SNRPN: variants seen among roughly 807,000 people sequenced by gnomAD.
The protein encoded by SNRPN is small nuclear ribonucleoprotein-associated protein N.
Under a neutral mutation model 25.2 loss-of-function variants are expected in SNRPN, and 7 were observed. The ratio of observed to expected loss-of-function variants is 0.28; its 90% CI spans 0.16 to 0.52. SNRPN has a LOEUF of 0.52. Among genes scored for constraint, SNRPN ranks in the 20% least tolerant of loss-of-function variants. The pLI is 0.96. For missense variants in SNRPN, 196 were observed against 322.5 expected, an observed-to-expected ratio of 0.61 and a Z score of 3.00; for synonymous variants, 124 against 110.6, an observed-to-expected ratio of 1.12 and a Z score of -0.76.
intron 1 of SNRPN, among the ~76,000 whole-genome samples, chr15:24,955,706 C>T (rs1270046880): frequency 7.0e-6 from 1 of 143,302 alleles, no homozygotes; most frequent in Non-Finnish European, 1.5e-5. Flanking sequence ...GTGGTCGCGG[C>T]GCGGGGAGAG....
At chr15:24,839,670 A>G in intron 2 of SNRPN, among the ~76,000 whole-genome samples, 1 of 152,108 alleles carries the variant, frequency 6.6e-6, no homozygotes, top group Non-Finnish European at 1.5e-5. Flanking sequence ...GATGATGACA[A>G]CCACAGCCTA....
Position 24,977,920 on chromosome 15 carries a change from A to C in SNRPN, c.559+4A>C. 2 of 1,557,964 alleles carry C rather than the reference A, an allele frequency of 1.3e-6. No homozygotes were observed. Among genetic ancestry groups the C allele is most frequent in the Non-Finnish European group, 8.7e-7 (1 of 1,152,340 alleles). On this transcript the variant is annotated splice_donor_region_variant and intron_variant, in intron 8 of 9. Transcript: ENST00000390687. Reference sequence around the variant, plus strand: ...GGCAGAGCAACCCCACCTCCAGGTAAGGGATTGGTGAACACGAAGACGAAC... The same window carrying C: ...GGCAGAGCAACCCCACCTCCAGGTACGGGATTGGTGAACACGAAGACGAAC...
intron 3 of SNRPN, among the ~76,000 whole-genome samples, chr15:24,928,151 C>T (rs994971079): frequency 4.6e-5 from 7 of 152,132 alleles, no homozygotes; most frequent in African/African-American, 1.7e-4. Flanking sequence ...TTAGTATAGT[C>T]ATTATGGAAA....
chr15:24,843,402 CTT>C (rs1444485862), intron 2 of SNRPN, among the ~76,000 whole-genome samples: 1 of 152,134 alleles, frequency 6.6e-6, no homozygotes, highest in African/African-American at 2.4e-5. Flanking sequence ...AATCCCAACA[CTT>C]TGGGAGGCCA....
Position 24,965,778 on chromosome 15 carries a change from C to G in SNRPN, c.-294-2154C>G, listed in dbSNP as rs138100454. Among the ~76,000 whole-genome samples the G allele has an allele frequency of 9.1e-4, 139 of 152,202 alleles. 3 individuals are homozygous for G. In the East Asian group the frequency reaches 0.021, roughly 23 times the overall value. ...AATTCTGTGTAGGCTGCCTCATTTT[C>G]TCAGTCTTTAATCTTCTATTGGGTT... On this transcript the variant is annotated intron_variant, in intron 2 of 9. Coordinates refer to ENST00000390687, the MANE Select transcript of SNRPN (RefSeq NM_003097.6).
chr15:24,876,355 T>C (rs967306190), intron 1 of SNRPN, among the ~76,000 whole-genome samples: 90 of 152,192 alleles, frequency 5.9e-4, no homozygotes, highest in Middle Eastern at 6.8e-3. Flanking sequence ...CTGTGGCTCA[T>C]GCCTTTAATC....
intron 2 of SNRPN, among the ~76,000 whole-genome samples, chr15:24,843,074 T>C (rs2143708040): frequency 6.6e-6 from 1 of 152,096 alleles, no homozygotes; most frequent in African/African-American, 2.4e-5. Context: ...TTTACTCAAT[T>C]GTTTATGTTT....
upstream of SNRPN, among the ~76,000 whole-genome samples, chr15:24,854,635 C>T (rs1289148058): frequency 6.6e-6 from 1 of 152,204 alleles, no homozygotes; most frequent in African/African-American, 2.4e-5. Flanking sequence ...GCATATACAT[C>T]ACCTCTCCAC....
At chr15:24,965,378 A>C (rs1309293636) in intron 2 of SNRPN, among the ~76,000 whole-genome samples, 1 of 152,068 alleles carries the variant, frequency 6.6e-6, no homozygotes, top group African/African-American at 2.4e-5. Context: ...TCTCTAGAAA[A>C]ATAAAAAAAT....
At chr15:24,846,358 A>G (rs1217353810) in intron 2 of SNRPN, among the ~76,000 whole-genome samples, 1 of 152,104 alleles carries the variant, frequency 6.6e-6, no homozygotes, top group Non-Finnish European at 1.5e-5. Flanking sequence ...AAACTAAGCA[A>G]ATCTAGTGGC....
chr15:24,941,110 G>C (rs2061525482), intron 3 of SNRPN, among the ~76,000 whole-genome samples: 2 of 152,104 alleles, frequency 1.3e-5, no homozygotes, highest in Non-Finnish European at 2.9e-5. Context: ...CTGAGTAGCT[G>C]AGACCACAGG....
chr15:24,936,753 G>A (rs1175561270), intron 3 of SNRPN, among the ~76,000 whole-genome samples: 1 of 151,938 alleles, frequency 6.6e-6, no homozygotes, highest in Non-Finnish European at 1.5e-5. Context: ...AGCACCAAAG[G>A]GGAAATCCAC....
chr15:24,859,210 C>T (rs1426132719), intron 1 of SNRPN, among the ~76,000 whole-genome samples: 2 of 152,196 alleles, frequency 1.3e-5, no homozygotes, highest in African/African-American at 2.4e-5. Flanking sequence ...CAAGGAGAAG[C>T]ACCCCTCTGC....
At chr15:24,923,164 C>T (rs1041695047) in intron 3 of SNRPN, among the ~76,000 whole-genome samples, 5 of 152,100 alleles carry the variant, frequency 3.3e-5, no homozygotes, top group African/African-American at 1.2e-4. Flanking sequence ...CCTCAGCCTC[C>T]CAAAGTGCTG....
chr15:24,873,326 GTTTC>G lies in SNRPN; in HGVS notation c.-578-13186_-578-13183del, dbSNP rs1457757470. On this transcript the variant is annotated intron_variant, in intron 1 of 11. Coordinates refer to the SNRPN transcript ENST00000400097. The stretch of plus-strand genomic sequence containing the variant: ...AAATCAAGACTCTTCTTTTGTTTTT[GTTTC>G]TTTTTTTTTTTTTTGAAACGGAGTA... Among the ~76,000 whole-genome samples, 2 of 109,122 alleles carry G rather than the reference GTTTC, an allele frequency of 1.8e-5. 1 individual carries two copies. The highest frequency in any genetic ancestry group is 4.0e-5 in the Non-Finnish European group (2 of 49,750). The allele number at this position is 109,122 out of a possible 152,430, so 71.6% of individuals were successfully genotyped here. A position where few individuals can be genotyped will look rare whatever the true frequency, so the allele number is the denominator to read the frequency against.
chr15:24,940,888 C>A (rs934795206), intron 3 of SNRPN, among the ~76,000 whole-genome samples: 2 of 152,072 alleles, frequency 1.3e-5, no homozygotes, highest in Admixed American at 1.3e-4. Context: ...GTCTGGAGAC[C>A]CAGGGAAGAG....
intron 1 of SNRPN, among the ~76,000 whole-genome samples, chr15:24,959,224 C>G (rs2074374910): frequency 6.6e-6 from 1 of 152,098 alleles, no homozygotes; most frequent in Non-Finnish European, 1.5e-5. Context: ...ATGTTGGTTT[C>G]TGTGTTGGGG....
In SNRPN at chr15:24,929,517, T is replaced by TGGGAAGCTCA. The variant is rs2060657271; in HGVS notation, c.-391+9402_-391+9411dup. On this transcript the variant is annotated intron_variant, in intron 3 of 11. Transcript: ENST00000400097. This position sits in a 1 kb window ranked among gnomAD's most constrained non-coding sequence, Gnocchi z 5.3. ...AAGATGGGGAATACTTGCAGGCACC[T>TGGGAAGCTCA]GGGAAGCTCAGGGAAGCTGCAGGTA... Among the ~76,000 whole-genome samples, 3 of 152,222 alleles carry TGGGAAGCTCA rather than the reference T, an allele frequency of 2.0e-5. No individual in the cohort carries two copies. The highest frequency in any genetic ancestry group is 4.1e-4 in the South Asian group (2 of 4,826).
At chr15:24,836,999 C>T (rs1392705115) in intron 2 of SNRPN, among the ~76,000 whole-genome samples, 1 of 152,134 alleles carries the variant, frequency 6.6e-6, no homozygotes. Flanking sequence ...TCATTTCAAA[C>T]CTTTCTCCCT....
Sources: allele counts gnomAD v4.1 joint callset (sites outside exome capture counted in the v4.1 genomes callset), GRCh38; gene constraint gnomAD v4.1.1; non-coding constraint Gnocchi (gnomAD v3.1); transcripts MANE v1.5; gene names NCBI Gene and HGNC (gene_info 2026-07-23, HGNC 2026-07-21).